DYSF: variants seen among roughly 807,000 people sequenced by gnomAD.
DYSF encodes the protein dystrophy-associated fer-1-like 1.
Under a neutral mutation model 274.9 loss-of-function variants are expected in DYSF, and 212 were observed. The ratio of observed to expected loss-of-function variants is 0.77; its 90% CI spans 0.69 to 0.86. DYSF has a LOEUF of 0.86. Among genes scored for constraint, DYSF ranks in the 40% least tolerant of loss-of-function variants. DYSF has a pLI of 0.00. For synonymous variants in DYSF, 1,091 were observed against 1,078.7 expected (o/e 1.01, Z -0.22); for missense variants, 2,666 against 2,783.2 (o/e 0.96, Z 0.95).
At chr2:71,632,939 C>T (rs1465205871) in intron 41 of DYSF, among the ~76,000 whole-genome samples, 1 of 152,170 alleles carries the variant, frequency 6.6e-6, no homozygotes, top group Non-Finnish European at 1.5e-5. Flanking sequence ...GATGTCAGGC[C>T]CATGTAGTCT....
At chr2:71,520,312 C>A in intron 11 of DYSF, 104 bp downstream of exon 11, 3 of 1,256,146 alleles carry the variant, frequency 2.4e-6, no homozygotes, top group Non-Finnish European at 3.5e-6. Flanking sequence ...GTTTTAGAAT[C>A]TAGAGGAAGG....
rs963282114 is a variant in DYSF, at chr2:71,625,436, C to G, written c.4527+4827C>G. On this transcript the variant is annotated intron_variant, in intron 41 of 55. Transcript: ENST00000410020. The stretch of plus-strand genomic sequence containing the variant: ...ATCATCATAGAATGATCTGTGCTTT[C>G]TCATTGATCCACAGTGACAGCTGTG... Among the ~76,000 whole-genome samples the G allele has an allele frequency of 4.6e-5, 7 of 152,168 alleles. No individual in the cohort carries two copies. The South Asian group carries it at 1.4e-3, about 31-fold the overall frequency.
At position 71,574,361 on chromosome 2, in the gene DYSF, AG is replaced by A; in HGVS notation, c.3397del (p.Ala1133ProfsTer5). On this transcript the variant is annotated frameshift_variant, in exon 30 of 56. Coordinates refer to ENST00000410020, the MANE Select transcript of DYSF (RefSeq NM_001130987.2). LOFTEE classifies it high-confidence loss of function. ...KTGPAAVFAL[E>X]GALGGVMDDK... ...GGGCCTGCAGCTGTGTTTGCCCTTG[AG>A]GGGGCCCTGGTATGTGGGGCTGCAC... is the stretch of plus-strand genomic sequence containing the variant. 2 of 1,613,614 alleles carry A rather than the reference AG, an allele frequency of 1.2e-6. No individual in the cohort carries two copies. Among genetic ancestry groups the A allele is most frequent in the Non-Finnish European group, 1.7e-6 (2 of 1,179,704 alleles).
At chr2:71,644,091 GGT>G (rs766086487) in intron 42 of DYSF, 28 bp downstream of exon 42, 11 of 1,573,116 alleles carry the variant, frequency 7.0e-6, no homozygotes, top group Admixed American at 5.2e-5. Context: ...TCTGACAGTC[GGT>G]GTGTGTGTGC....
intron 2 of DYSF, 152 bp from the exon 3 acceptor site, chr2:71,481,727 C>CATCCATCCATCCATTCATCG: frequency 1.4e-6 from 1 of 698,502 alleles, no homozygotes; most frequent in South Asian, 1.5e-5. Context: ...TCCATCCATC[C>CATCCATCCATCCATTCATCG]ATGCTTCCAT....
At chr2:71,473,384 G>A (rs1338002892) in intron 1 of DYSF, among the ~76,000 whole-genome samples, 2 of 152,122 alleles carry the variant, frequency 1.3e-5, no homozygotes, top group African/African-American at 2.4e-5. Context: ...GTCAAGAAAC[G>A]CCCTGCACAA....
intron 45 of DYSF, among the ~76,000 whole-genome samples, chr2:71,661,227 AT>A (rs1400128099): frequency 6.6e-6 from 1 of 151,548 alleles, no homozygotes; most frequent in African/African-American, 2.4e-5. Flanking sequence ...CTTTGGAATA[AT>A]TTTAGATTTA....
At position 71,611,541 on chromosome 2, in the gene DYSF, G is replaced by A; in HGVS notation, c.4136G>A (p.Cys1379Tyr). The change falls in exon 38 of 56, where the codon TGT becomes TAT. Residue 1379 changes from cysteine to tyrosine, a missense_variant. Physicochemically the swap from Cys to Tyr is radical, Grantham distance 194. Transcript: ENST00000410020. ...NISSPSLVVE[C>Y]GGQTVQSCVI... ...TCCTCCCCCAGCCTCGTGGTAGAGT[G>A]TGGGGGCCAGACGGTGCAGTCCTGT... 6.2e-7 allele frequency: 1 copy of A among 1,613,942 alleles called. No individual in the cohort carries two copies. Among genetic ancestry groups the A allele is most frequent in the East Asian group, 2.2e-5 (1 of 44,818 alleles).
At chr2:71,506,673 G>T (rs1448061738) in intron 4 of DYSF, among the ~76,000 whole-genome samples, 1 of 152,180 alleles carries the variant, frequency 6.6e-6, no homozygotes, top group Non-Finnish European at 1.5e-5. Flanking sequence ...GGGTTGAGCT[G>T]TGATGTCATG....
At chr2:71,551,249 T>C (rs1445669442) in intron 18 of DYSF, 93 bp downstream of exon 18, 2 of 1,354,144 alleles carry the variant, frequency 1.5e-6, no homozygotes, top group African/African-American at 2.9e-5. Flanking sequence ...CAGCCCCTCC[T>C]GGGGGCCCAC....
chr2:71,674,331 G>A lies in DYSF; in HGVS notation c.5884+35G>A, dbSNP rs761739623. 1.9e-6 allele frequency: 3 copies of A among 1,600,164 alleles called. No individual in the cohort carries two copies. The Admixed American group carries it at 5.0e-5, about 27-fold the overall frequency. On this transcript the variant is annotated intron_variant, in intron 52 of 55. Coordinates refer to ENST00000410020, the MANE Select transcript of DYSF (RefSeq NM_001130987.2). ...ATTGCTAGAATCCCATTCTGCACAT[G>A]GGGGCTGCCCCAGAACCCACACTGT...
chr2:71,523,482 C>T (rs1358732435), intron 12 of DYSF, among the ~76,000 whole-genome samples: 3 of 151,970 alleles, frequency 2.0e-5, no homozygotes, highest in Admixed American at 1.3e-4. Flanking sequence ...CCTAAGTGTC[C>T]TCTGAGGTCT....
chr2:71,488,842 A>T (rs775262862), intron 3 of DYSF, among the ~76,000 whole-genome samples: 1 of 152,136 alleles, frequency 6.6e-6, no homozygotes, highest in Non-Finnish European at 1.5e-5. Flanking sequence ...CTGCACTCAG[A>T]TGCCTTTCTG....
chr2:71,608,130 A>G (rs2093678424), intron 36 of DYSF, among the ~76,000 whole-genome samples: 1 of 151,934 alleles, frequency 6.6e-6, no homozygotes, highest in Non-Finnish European at 1.5e-5. Flanking sequence ...TCTGGAGACA[A>G]ATTTCCGGGG....
chr2:71,513,343 G>C lies in DYSF; in HGVS notation c.553+11G>C. On this transcript the variant is annotated intron_variant, in intron 6 of 55. Transcript: ENST00000410020. ...GGCCGGCCCCCACGGGTGAGACACGGGCCAGGACTGTCCTGATCCCAGACC... is the reference window on the plus strand; with the variant it reads ...GGCCGGCCCCCACGGGTGAGACACGCGCCAGGACTGTCCTGATCCCAGACC... 6.4e-7 allele frequency: 1 copy of C among 1,551,322 alleles called. No individual in the cohort carries two copies. Among genetic ancestry groups the C allele is most frequent in the Non-Finnish European group, 8.7e-7 (1 of 1,146,728 alleles).
intron 32 of DYSF, 151 bp from the exon 33 acceptor site, chr2:71,598,413 T>G (rs994750634): frequency 1.0e-6 from 1 of 962,346 alleles, no homozygotes; most frequent in Non-Finnish European, 1.6e-6. Flanking sequence ...GAGAGCCCCA[T>G]AGGGAAGATG....
chr2:71,586,941 C>T (rs918852420), intron 30 of DYSF, among the ~76,000 whole-genome samples: 4 of 152,312 alleles, frequency 2.6e-5, no homozygotes, highest in African/African-American at 9.6e-5. Flanking sequence ...CACCCCCTAT[C>T]CTCCCTACTC....
intron 21 of DYSF, among the ~76,000 whole-genome samples, chr2:71,555,561 T>C (rs768214273): frequency 1.3e-4 from 20 of 152,104 alleles, no homozygotes; most frequent in Admixed American, 2.6e-4. Flanking sequence ...CTGAGCCTCA[T>C]TGGGTGGTAG....
At chr2:71,508,032 A>G (rs188629766) in intron 4 of DYSF, among the ~76,000 whole-genome samples, 2 of 152,182 alleles carry the variant, frequency 1.3e-5, no homozygotes, top group African/African-American at 2.4e-5. Flanking sequence ...TCCTGACCTC[A>G]TGCTAATCTT....
Sources: gnomAD v4.1 joint callset for allele counts (sites outside exome capture counted in the v4.1 genomes callset) on GRCh38, gnomAD v4.1.1 for gene constraint, MANE v1.5 for transcripts, NCBI Gene and HGNC (gene_info 2026-07-23, HGNC 2026-07-21) for gene names.